EFCAB5: variants seen among roughly 807,000 people sequenced by gnomAD.
The protein encoded by EFCAB5 is EF-hand calcium binding domain 5.
In EFCAB5, 131 loss-of-function variants were observed where a neutral mutation model predicts 167.9. The observed-to-expected ratio is 0.78, with a 90% confidence interval of 0.68 to 0.90. The LOEUF is 0.90. Among genes scored for constraint, EFCAB5 ranks in the 40% least tolerant of loss-of-function variants. The pLI is 0.00. For missense variants in EFCAB5, 1,663 were observed against 1,745.2 expected, an observed-to-expected ratio of 0.95 and a Z score of 0.84; for synonymous variants, 574 against 602.8, an observed-to-expected ratio of 0.95 and a Z score of 0.70.
rs370409784 is a variant in EFCAB5 at position 30,051,184 on chromosome 17, A to G, written c.1267A>G (p.Met423Val). The G allele has an allele frequency of 1.4e-4, 218 of 1,613,878 alleles. 1 individual carries two copies. In the East Asian group the frequency reaches 4.3e-3, roughly 32 times the overall value. ...LELFYDHSSQ[M>V]LRSLLRNPRQ... ...ATTGTTCTATGACCATAGTTCACAAATGCTTAGGAGTTTACTTCGAAACCC... is the reference window on the plus strand; with the variant it reads ...ATTGTTCTATGACCATAGTTCACAAGTGCTTAGGAGTTTACTTCGAAACCC... Residue 423 changes from methionine to valine, a missense_variant, in exon 9 of 23, where the codon ATG (methionine) becomes GTG (valine). Physicochemically the swap from Met to Val is conservative, Grantham distance 21. Coordinates refer to ENST00000394835, the MANE Select transcript of EFCAB5 (RefSeq NM_198529.4).
At chr17:29,992,356 C>A (rs1049503448) in intron 4 of EFCAB5, among the ~76,000 whole-genome samples, 3 of 152,030 alleles carry the variant, frequency 2.0e-5, no homozygotes, top group African/African-American at 7.2e-5. Flanking sequence ...TTATTTATTA[C>A]TTATTTTTTG....
chr17:30,031,194 G>A (rs1368086174), intron 7 of EFCAB5, among the ~76,000 whole-genome samples: 13 of 152,136 alleles, frequency 8.5e-5, no homozygotes, highest in Admixed American at 8.5e-4. Context: ...AGATACCCCA[G>A]ATCATGTAGT....
intron 3 of EFCAB5, among the ~76,000 whole-genome samples, chr17:29,943,960 G>A (rs1468034783): frequency 2.6e-5 from 4 of 152,086 alleles, no homozygotes; most frequent in African/African-American, 4.8e-5. Context: ...GTGACAGAGC[G>A]AAACTCCATC....
intron 7 of EFCAB5, among the ~76,000 whole-genome samples, chr17:30,013,144 G>T (rs1177854392): frequency 6.6e-6 from 1 of 152,148 alleles, no homozygotes; most frequent in Non-Finnish European, 1.5e-5. Flanking sequence ...GCATCCCAGG[G>T]ATGAAGCCAA....
intron 21 of EFCAB5, among the ~76,000 whole-genome samples, chr17:30,092,628 G>A (rs1401537606): frequency 6.6e-6 from 1 of 151,964 alleles, no homozygotes; most frequent in Non-Finnish European, 1.5e-5. Flanking sequence ...ACCTCAGGTG[G>A]TCCTCCCACC....
intron 22 of EFCAB5, among the ~76,000 whole-genome samples, chr17:30,093,789 T>TA (rs916191966): frequency 5.9e-5 from 9 of 152,204 alleles, no homozygotes; most frequent in African/African-American, 1.2e-4. Flanking sequence ...CCTTTAGTGT[T>TA]AACCACAGTC....
intron 4 of EFCAB5, among the ~76,000 whole-genome samples, chr17:29,980,724 G>T (rs570889544): frequency 6.6e-6 from 1 of 152,236 alleles, no homozygotes; most frequent in Non-Finnish European, 1.5e-5. Flanking sequence ...ATTCCAACAT[G>T]ACTTAAGTTA....
At chr17:29,984,890 G>T (rs187610495) in intron 4 of EFCAB5, among the ~76,000 whole-genome samples, 18 of 152,240 alleles carry the variant, frequency 1.2e-4, no homozygotes, top group Non-Finnish European at 1.9e-4. Context: ...TAGGCATAAG[G>T]TAATGACTTA....
chr17:30,025,740 T>G (rs547340202), intron 7 of EFCAB5, among the ~76,000 whole-genome samples: 1 of 152,176 alleles, frequency 6.6e-6, no homozygotes, highest in South Asian at 2.1e-4. Flanking sequence ...TGTGGCACTA[T>G]TCACAATACC....
intron 14 of EFCAB5, among the ~76,000 whole-genome samples, chr17:30,075,097 C>T (rs2070842309): frequency 6.6e-6 from 1 of 152,042 alleles, no homozygotes; most frequent in East Asian, 1.9e-4. Flanking sequence ...CTTCTCATTC[C>T]CTTTTGTAGT....
At chr17:30,012,380 T>C (rs2068926154) in intron 7 of EFCAB5, among the ~76,000 whole-genome samples, 2 of 152,214 alleles carry the variant, frequency 1.3e-5, no homozygotes, top group Admixed American at 6.5e-5. Context: ...TGTTCCATCC[T>C]GTACACCTGG....
chr17:30,042,490 T>C (rs2069801687), intron 8 of EFCAB5, among the ~76,000 whole-genome samples: 1 of 152,134 alleles, frequency 6.6e-6, no homozygotes, highest in African/African-American at 2.4e-5. Flanking sequence ...ATTAAAAGGA[T>C]GATAGGAAAC....
chr17:30,001,968 C>T (rs569930408), intron 7 of EFCAB5, among the ~76,000 whole-genome samples: 58 of 152,272 alleles, frequency 3.8e-4, no homozygotes, highest in African/African-American at 1.4e-3. Flanking sequence ...CTAGACTAGA[C>T]CCAGGTCAGC....
chr17:30,107,749 T>TTA lies in EFCAB5; in HGVS notation c.4322-84_4322-83insAT. On this transcript the variant is annotated intron_variant, in intron 22 of 22. Transcript: ENST00000394835. ...TTGACTCAAAACATATCTAATGAAC[T>TTA]TTAATCATAATATTAGAACTTATAA... 6 of 1,197,710 alleles carry TTA rather than the reference T, an allele frequency of 5.0e-6. No homozygotes were observed. In the East Asian group the frequency reaches 1.8e-4, roughly 36 times the overall value. 74.2% of individuals were successfully genotyped at this position (1,197,710 alleles called of 1,614,324 possible).
intron 9 of EFCAB5, among the ~76,000 whole-genome samples, chr17:30,052,325 C>A (rs2070125190): frequency 6.6e-6 from 1 of 152,140 alleles, no homozygotes; most frequent in Non-Finnish European, 1.5e-5. Context: ...GCCACCACAC[C>A]CAGCTATTTT....
At chr17:29,974,238 T>G (rs1364104665) in intron 4 of EFCAB5, among the ~76,000 whole-genome samples, 1 of 152,054 alleles carries the variant, frequency 6.6e-6, no homozygotes, top group Admixed American at 6.6e-5. Flanking sequence ...TTACATTTAT[T>G]TGCAGCTTTT....
intron 7 of EFCAB5, among the ~76,000 whole-genome samples, chr17:30,000,976 G>A (rs2068649656): frequency 6.6e-6 from 1 of 152,140 alleles, no homozygotes; most frequent in Non-Finnish European, 1.5e-5. Context: ...CAGACAACCA[G>A]AGATAGCCCT....
At chr17:29,942,353 T>C in intron 2 of EFCAB5, 51 bp downstream of exon 2, 1 of 1,441,116 alleles carries the variant, frequency 6.9e-7, no homozygotes, top group South Asian at 1.5e-5. Flanking sequence ...ATAAGCTAGA[T>C]AAATCAATTT....
rs906468665 is a variant in EFCAB5 at position 30,027,293 on chromosome 17, CTTT to C, written c.1045-6913_1045-6911del. 3.7e-4 allele frequency among the ~76,000 whole-genome samples: 25 copies of C among 67,358 alleles called. No individual in the cohort carries two copies. The Admixed American group carries it at 3.9e-3, about 10-fold the overall frequency. The allele number at this position is 67,358 out of a possible 152,430, so 44.2% of individuals were successfully genotyped here. ...AGCCACCATGCCCAGCCACACCAGT[CTTT>C]TTTTTTTTTTTTTTTTTTTTTTTAG... On this transcript the variant is annotated intron_variant, in intron 7 of 22. Coordinates refer to ENST00000394835, the MANE Select transcript of EFCAB5 (RefSeq NM_198529.4).
Sources: allele counts gnomAD v4.1 joint callset (sites outside exome capture counted in the v4.1 genomes callset), GRCh38; gene constraint gnomAD v4.1.1; transcripts MANE v1.5; gene names NCBI Gene and HGNC (gene_info 2026-07-23, HGNC 2026-07-21).